FBXL2: variants seen among roughly 807,000 people sequenced by gnomAD.
The protein encoded by FBXL2 is F-box/LRR-repeat protein 2.
A neutral mutation model predicts 69.2 loss-of-function variants in FBXL2; 38 were observed. That is an observed-to-expected ratio of 0.55 (90% CI 0.42 to 0.72). The LOEUF (loss-of-function observed/expected upper bound fraction) is 0.72, where lower values mean the gene tolerates loss of function less well. FBXL2 is among the 30% of genes least tolerant of loss of function. FBXL2 has a pLI of 0.00. For synonymous variants in FBXL2, 192 were observed against 201.3 expected, an observed-to-expected ratio of 0.95 and a Z score of 0.39; for missense variants, 354 against 520.3, an observed-to-expected ratio of 0.68 and a Z score of 3.11.
chr3:33,396,318 A>G, intron 12 of FBXL2: 1 of 1,489,626 alleles, frequency 6.7e-7, no homozygotes, highest in Non-Finnish European at 9.2e-7. Context: ...CCTGGGAGAG[A>G]AAGCTGCCTT....
At chr3:33,412,637 G>T in the FBXL2 span, 4 of 854,454 alleles carry the variant, frequency 4.7e-6, no homozygotes, top group Non-Finnish European at 7.7e-6. Flanking sequence ...CCCCACACAA[G>T]TAATTCATGA....
chr3:33,364,486 G>A, intron 4 of FBXL2, 139 bp from the exon 5 acceptor site: 1 of 740,120 alleles, frequency 1.4e-6, no homozygotes, highest in African/African-American at 1.7e-5. Flanking sequence ...ATAGAACTGA[G>A]GTGTTACAGG....
At position 33,279,395 on chromosome 3, in the gene FBXL2, C is replaced by T. The variant is rs559839743; in HGVS notation, c.3+1880C>T. On this transcript the variant is annotated intron_variant, in intron 1 of 14. Coordinates refer to ENST00000484457, the MANE Select transcript of FBXL2 (RefSeq NM_012157.5). ...ACGCCATTCTCCTGCCTCAGCCTCC[C>T]GAGTAGCTGGGACTACAGGCGAGTG... Among the ~76,000 whole-genome samples, 9 of 152,174 alleles carry T rather than the reference C, an allele frequency of 5.9e-5. No homozygotes were observed. In the South Asian group the frequency reaches 1.7e-3, roughly 28 times the overall value.
chr3:33,302,145 T>A (rs1462200559), intron 2 of FBXL2, among the ~76,000 whole-genome samples: 1 of 152,240 alleles, frequency 6.6e-6, no homozygotes, highest in African/African-American at 2.4e-5. Context: ...AATCCAGCTC[T>A]TAATATGGAT....
chr3:33,395,033 C>A (rs1476588129), intron 12 of FBXL2, among the ~76,000 whole-genome samples: 2 of 152,168 alleles, frequency 1.3e-5, no homozygotes, highest in Non-Finnish European at 2.9e-5. Context: ...TATCCCTCCA[C>A]AAACACTCAT....
At chr3:33,350,976 T>C (rs1397950702) in intron 2 of FBXL2, among the ~76,000 whole-genome samples, 1 of 151,882 alleles carries the variant, frequency 6.6e-6, no homozygotes, top group African/African-American at 2.4e-5. Flanking sequence ...ATAATAAACC[T>C]CCTCCTGGGC....
At chr3:33,282,765 C>T (rs556974172) in intron 1 of FBXL2, among the ~76,000 whole-genome samples, 2 of 152,156 alleles carry the variant, frequency 1.3e-5, no homozygotes, top group African/African-American at 2.4e-5. Context: ...TCCTTCACAT[C>T]CCTTGTAAGT....
chr3:33,390,475 T>A, downstream of FBXL2: 1 of 1,163,646 alleles, frequency 8.6e-7, no homozygotes, highest in Non-Finnish European at 1.3e-6. Flanking sequence ...ATTCAGAGGT[T>A]ACCTTTAAAT....
chr3:33,363,921 C>G (rs1365470738), intron 4 of FBXL2, among the ~76,000 whole-genome samples: 1 of 152,098 alleles, frequency 6.6e-6, no homozygotes, highest in Non-Finnish European at 1.5e-5. Flanking sequence ...TGAGCTATGA[C>G]CACATCACTA....
intron 2 of FBXL2, among the ~76,000 whole-genome samples, chr3:33,347,158 C>G (rs1417283547): frequency 1.3e-5 from 2 of 152,148 alleles, no homozygotes; most frequent in African/African-American, 4.8e-5. Context: ...TTCTTCTACT[C>G]TCTACCCCCA....
chr3:33,388,601 G>A (rs11260), downstream of FBXL2: 3,716 of 152,422 alleles, frequency 0.024, 78 homozygotes, highest in Admixed American at 0.058. Context: ...ACCCAAAAAG[G>A]AATGCTAAAT....
intron 2 of FBXL2, among the ~76,000 whole-genome samples, chr3:33,308,578 TAC>T (rs750903305): frequency 6.6e-6 from 1 of 152,202 alleles, no homozygotes; most frequent in Non-Finnish European, 1.5e-5. Context: ...TATTCTACAT[TAC>T]ACACATAACA....
chr3:33,392,905 AGT>A, downstream of FBXL2: 2 of 367,038 alleles, frequency 5.4e-6, no homozygotes, highest in South Asian at 1.6e-4. Flanking sequence ...AATTGCATAA[AGT>A]GCTCTTCTAT....
chr3:33,392,386 C>A, downstream of FBXL2: 1 of 562,362 alleles, frequency 1.8e-6, no homozygotes. Context: ...AGACTGACTC[C>A]TCTTCCTTAT....
intron 1 of FBXL2, among the ~76,000 whole-genome samples, chr3:33,279,627 T>C (rs2033746925): frequency 6.6e-6 from 1 of 152,170 alleles, no homozygotes; most frequent in Non-Finnish European, 1.5e-5. Flanking sequence ...AACAAAACTT[T>C]AGCCGTTGAT....
At chr3:33,347,951 A>AT (rs944166276) in intron 2 of FBXL2, among the ~76,000 whole-genome samples, 10 of 151,634 alleles carry the variant, frequency 6.6e-5, no homozygotes, top group Admixed American at 1.3e-4. Context: ...GTTTGCAAAT[A>AT]TTTTTTCCCA....
At chr3:33,295,896 C>A (rs1166970417) in intron 1 of FBXL2, among the ~76,000 whole-genome samples, 1 of 152,170 alleles carries the variant, frequency 6.6e-6, no homozygotes, top group Non-Finnish European at 1.5e-5. Flanking sequence ...CTATTCAAAT[C>A]TTTTGCCCAT....
chr3:33,282,864 A>G (rs1030526302), intron 1 of FBXL2, among the ~76,000 whole-genome samples: 3 of 152,172 alleles, frequency 2.0e-5, no homozygotes, highest in Non-Finnish European at 4.4e-5. Flanking sequence ...TTATTGGTAT[A>G]TAGGAATGCT....
the FBXL2 span, among the ~76,000 whole-genome samples, chr3:33,421,616 AG>A: frequency 1.3e-5 from 2 of 152,270 alleles, no homozygotes; most frequent in African/African-American, 2.4e-5. Context: ...AGGTTCAAAA[AG>A]AACTCAAAAA....
Sources: allele counts gnomAD v4.1 joint callset (sites outside exome capture counted in the v4.1 genomes callset), GRCh38; gene constraint gnomAD v4.1.1; transcripts MANE v1.5; gene names NCBI Gene and HGNC (gene_info 2026-07-23, HGNC 2026-07-21).